The following NCAM1 variants were observed in gnomAD, a reference collection of about 807,000 sequenced individuals.
NCAM1 encodes the protein antigen recognized by monoclonal antibody 5.1H11.
A neutral mutation model predicts 109.8 loss-of-function variants in NCAM1; 14 were observed. That is an observed-to-expected ratio of 0.13 (90% CI 0.08 to 0.20). The LOEUF is 0.20. Among genes scored for constraint, NCAM1 ranks in the 10% least tolerant of loss-of-function variants. NCAM1 has a pLI of 1.00. For missense variants in NCAM1, 774 were observed against 1,109.9 expected (o/e 0.70, Z 4.30); for synonymous variants, 418 against 442.9 (o/e 0.94, Z 0.70).
chr11:113,098,631 G>T (rs1333942194), intron 1 of NCAM1, among the ~76,000 whole-genome samples: 1 of 152,126 alleles, frequency 6.6e-6, no homozygotes, highest in Non-Finnish European at 1.5e-5. Flanking sequence ...TGTACCAGGG[G>T]CAGGGGAAGA....
intron 1 of NCAM1, among the ~76,000 whole-genome samples, chr11:112,965,880 C>T (rs782749582): frequency 6.6e-6 from 1 of 152,090 alleles, no homozygotes; most frequent in Non-Finnish European, 1.5e-5. Context: ...GGATCTTGAG[C>T]TTGTGATGGA....
intron 14 of NCAM1, among the ~76,000 whole-genome samples, chr11:113,236,647 T>C (rs1945176627): frequency 6.6e-6 from 1 of 152,180 alleles, no homozygotes; most frequent in African/African-American, 2.4e-5. Context: ...AGATGGGCCC[T>C]GAATAACACG....
At chr11:113,098,310 C>T (rs1939700689) in intron 1 of NCAM1, among the ~76,000 whole-genome samples, 1 of 152,046 alleles carries the variant, frequency 6.6e-6, no homozygotes, top group African/African-American at 2.4e-5. Context: ...TGCTCAAGTC[C>T]CTGATGTAAA....
At chr11:113,151,520 T>C (rs1207349139) in intron 1 of NCAM1, among the ~76,000 whole-genome samples, 1 of 152,222 alleles carries the variant, frequency 6.6e-6, no homozygotes, top group Non-Finnish European at 1.5e-5. Flanking sequence ...AATTTTTCAC[T>C]TTTAAGGCAG....
rs535162256 is a variant in NCAM1 at position 113,249,421 on chromosome 11, CCTGTGGGCAGGGA to C, written c.1828+3073_1828+3085del. Among the ~76,000 whole-genome samples, 124 of 152,186 alleles carry C rather than the reference CCTGTGGGCAGGGA, an allele frequency of 8.1e-4. 2 individuals carry two copies. In the South Asian group the frequency reaches 0.014, roughly 18 times the overall value. ...GGCAGTGAGGTGTGTCAGCCCGAAT[CCTGTGGGCAGGGA>C]CTGTGGGCAGGGACTGTGGGCTGCT... On this transcript the variant is annotated intron_variant, in intron 15 of 19. Coordinates refer to ENST00000316851, the MANE Select transcript of NCAM1 (RefSeq NM_181351.5).
At chr11:113,100,229 A>C (rs1381758219) in intron 1 of NCAM1, among the ~76,000 whole-genome samples, 1 of 152,092 alleles carries the variant, frequency 6.6e-6, no homozygotes, top group Non-Finnish European at 1.5e-5. Flanking sequence ...GCTTGCTTAC[A>C]AGGGGTGTGG....
rs1304601939 is a variant in NCAM1, at chr11:113,009,317, T to TTTGTTG, written c.52+47655_52+47656insGTTGTT. ...AATTGGAAGGGTTTTTTCGGGTTTT[T>TTTGTTG]TTTTTTTTTTTTTTTTTTTTTTTTA... On this transcript the variant is annotated intron_variant, in intron 1 of 19. Coordinates refer to ENST00000316851, the MANE Select transcript of NCAM1 (RefSeq NM_181351.5). Among the ~76,000 whole-genome samples, 99 of 106,790 alleles carry TTTGTTG rather than the reference T, an allele frequency of 9.3e-4. 2 individuals are homozygous for TTTGTTG. Among genetic ancestry groups the TTTGTTG allele is most frequent in the South Asian group, 1.6e-3 (5 of 3,136 alleles). 70.1% of individuals were successfully genotyped at this position (106,790 alleles called of 152,430 possible). A position where few individuals can be genotyped will look rare whatever the true frequency, so the allele number is the denominator to read the frequency against.
At chr11:113,034,706 T>G (rs149319694) in intron 1 of NCAM1, among the ~76,000 whole-genome samples, 1,539 of 152,324 alleles carry the variant, frequency 0.01, 9 homozygotes, top group Non-Finnish European at 0.015. Context: ...TGCCCTTTCC[T>G]TAGCTGTCAG....
chr11:113,067,906 GTT>G (rs782134624), intron 1 of NCAM1, among the ~76,000 whole-genome samples: 1,526 of 125,344 alleles, frequency 0.012, 15 homozygotes, highest in African/African-American at 0.042. Context: ...CATATAACAA[GTT>G]TTTTTTTTTT....
chr11:113,123,695 C>A (rs782614207), intron 1 of NCAM1, among the ~76,000 whole-genome samples: 12 of 152,200 alleles, frequency 7.9e-5, no homozygotes, highest in Non-Finnish European at 1.5e-4. Context: ...TCAGGGGACT[C>A]CCTGTCCTGT....
At chr11:113,073,639 C>G (rs1282309135) in intron 1 of NCAM1, among the ~76,000 whole-genome samples, 1 of 152,076 alleles carries the variant, frequency 6.6e-6, no homozygotes, top group Non-Finnish European at 1.5e-5. Context: ...TTTTAATATC[C>G]TGAGGCCATA....
intron 1 of NCAM1, among the ~76,000 whole-genome samples, chr11:113,115,255 C>T (rs947262525): frequency 2.0e-5 from 3 of 152,074 alleles, no homozygotes; most frequent in African/African-American, 4.8e-5. Flanking sequence ...TACAAAACAG[C>T]TTGGAAATAG....
intron 1 of NCAM1, among the ~76,000 whole-genome samples, chr11:113,090,956 G>C (rs1555089268): frequency 6.6e-6 from 1 of 152,094 alleles, no homozygotes; most frequent in Admixed American, 6.5e-5. Flanking sequence ...TTGAACAATA[G>C]ACAGTAAACA....
chr11:112,975,002 G>T (rs1555067433), intron 1 of NCAM1, among the ~76,000 whole-genome samples: 2 of 151,986 alleles, frequency 1.3e-5, no homozygotes, highest in Non-Finnish European at 2.9e-5. Flanking sequence ...GCACGTTTTA[G>T]GGTAGGATCG....
At chr11:113,208,107 C>A in intron 7 of NCAM1, 105 bp downstream of exon 7, 1 of 1,289,738 alleles carries the variant, frequency 7.8e-7, no homozygotes, top group Non-Finnish European at 1.1e-6. Flanking sequence ...GAACATAACC[C>A]AATGCAACCA....
chr11:113,185,079 T>G (rs868921672), intron 1 of NCAM1, among the ~76,000 whole-genome samples: 6 of 125,754 alleles, frequency 4.8e-5, no homozygotes, highest in African/African-American at 1.3e-4. Context: ...TATATATATA[T>G]AGAGAGAGAG....
intron 1 of NCAM1, among the ~76,000 whole-genome samples, chr11:113,144,380 G>GTTCTAC (rs1373707264): frequency 6.6e-6 from 1 of 152,150 alleles, no homozygotes; most frequent in African/African-American, 2.4e-5. Flanking sequence ...ATATGATTTT[G>GTTCTAC]TTCTACTTCT....
chr11:113,075,348 G>A (rs73006860), intron 1 of NCAM1, among the ~76,000 whole-genome samples: 1 of 152,138 alleles, frequency 6.6e-6, no homozygotes, highest in Non-Finnish European at 1.5e-5. Flanking sequence ...GAGATTACAG[G>A]TGTGAACTAC....
chr11:113,137,319 A>G (rs1326482165), intron 1 of NCAM1, among the ~76,000 whole-genome samples: 1 of 152,264 alleles, frequency 6.6e-6, no homozygotes, highest in Non-Finnish European at 1.5e-5. Flanking sequence ...GAAGACAGTT[A>G]TAGACCTGGT....
Sources: allele counts gnomAD v4.1 joint callset (sites outside exome capture counted in the v4.1 genomes callset), GRCh38; gene constraint gnomAD v4.1.1; transcripts MANE v1.5; gene names NCBI Gene and HGNC (gene_info 2026-07-23, HGNC 2026-07-21).